The following TBC1D22A variants were observed in gnomAD, a reference collection of about 807,000 sequenced individuals.
The protein encoded by TBC1D22A is putative GTPase activator.
Under a neutral mutation model 60.2 loss-of-function variants are expected in TBC1D22A, and 38 were observed. The observed-to-expected ratio is 0.63, with a 90% CI of 0.49 to 0.83. TBC1D22A has a LOEUF of 0.83. TBC1D22A is among the 40% of genes least tolerant of loss of function. The probability of loss-of-function intolerance (pLI) is 0.00; values close to 1 mark genes in which losing one functional copy is unlikely to be tolerated. For missense variants in TBC1D22A, 628 were observed against 701.0 expected (o/e 0.90, Z 1.18); for synonymous variants, 302 against 281.7 (o/e 1.07, Z -0.72).
intron 8 of TBC1D22A, among the ~76,000 whole-genome samples, chr22:46,967,124 G>A (rs557854158): frequency 6.6e-5 from 10 of 152,316 alleles, no homozygotes; most frequent in Admixed American, 3.3e-4. Context: ...GAGCAGAGTC[G>A]GGAACTGTGA....
intron 7 of TBC1D22A, among the ~76,000 whole-genome samples, chr22:46,902,980 GGAGGGGCAGCGT>G (rs2069115747): frequency 6.6e-6 from 1 of 151,724 alleles, no homozygotes; most frequent in Non-Finnish European, 1.5e-5. Flanking sequence ...GACAGCCCGA[GGAGGGGCAGCGT>G]ATGGGGCAGT....
intron 4 of TBC1D22A, among the ~76,000 whole-genome samples, chr22:46,842,806 T>G (rs1015550792): frequency 6.6e-6 from 1 of 152,220 alleles, no homozygotes; most frequent in African/African-American, 2.4e-5. Flanking sequence ...TTTGGCGCCC[T>G]GACAGGTAGG....
intron 8 of TBC1D22A, among the ~76,000 whole-genome samples, chr22:46,946,967 T>C (rs1360893734): frequency 1.3e-5 from 2 of 152,184 alleles, no homozygotes; most frequent in Admixed American, 6.5e-5. Flanking sequence ...AGTCCAGTTG[T>C]ATAATTTCAG....
chr22:46,764,421 G>A (rs150541942), intron 1 of TBC1D22A: 16 of 152,286 alleles, frequency 1.1e-4, no homozygotes, highest in African/African-American at 3.9e-4. Flanking sequence ...TAGGTCTTAA[G>A]GTTTTGGTTC....
At chr22:46,780,132 G>A (rs914046736) in intron 1 of TBC1D22A, among the ~76,000 whole-genome samples, 2 of 152,320 alleles carry the variant, frequency 1.3e-5, no homozygotes, top group Admixed American at 1.3e-4. Flanking sequence ...GAGCTGAGTG[G>A]TAAATTCAGT....
chr22:47,169,226 T>G (rs2068332938), intron 12 of TBC1D22A, among the ~76,000 whole-genome samples: 1 of 152,170 alleles, frequency 6.6e-6, no homozygotes, highest in Admixed American at 6.5e-5. Context: ...CTGGGTGGTG[T>G]GGGTAGGGCC....
chr22:47,131,501 T>C lies in TBC1D22A; in HGVS notation c.1425+19898T>C, dbSNP rs2066677151. Among the ~76,000 whole-genome samples, 4 of 152,186 alleles carry C rather than the reference T, an allele frequency of 2.6e-5. No individual in the cohort carries two copies. The South Asian group carries it at 8.3e-4, about 32-fold the overall frequency. ...TGCGGCTGCTCCAGCCACAGGAGTG[T>C]TCCCCCTGCCCCCTGTGGGCTCCAT... On this transcript the variant is annotated intron_variant, in intron 12 of 12. Transcript: ENST00000337137.
At chr22:47,034,965 A>G (rs554283381) in intron 10 of TBC1D22A, among the ~76,000 whole-genome samples, 13 of 152,254 alleles carry the variant, frequency 8.5e-5, no homozygotes, top group African/African-American at 3.1e-4. Context: ...CTGAGGCACC[A>G]GCGTTCCCAG....
intron 6 of TBC1D22A, among the ~76,000 whole-genome samples, chr22:46,892,307 A>AG (rs2068448216): frequency 6.6e-6 from 1 of 151,912 alleles, no homozygotes; most frequent in Non-Finnish European, 1.5e-5. Context: ...AAAAAAAAAA[A>AG]AAGTCCAAAT....
At chr22:46,854,390 C>G (rs1252473021) in intron 4 of TBC1D22A, among the ~76,000 whole-genome samples, 1 of 152,186 alleles carries the variant, frequency 6.6e-6, no homozygotes, top group Non-Finnish European at 1.5e-5. Context: ...CCTTCCCGTT[C>G]CCTGCTCCTC....
intron 4 of TBC1D22A, among the ~76,000 whole-genome samples, chr22:46,810,769 A>T (rs552773339): frequency 1.1e-4 from 16 of 152,286 alleles, no homozygotes; most frequent in Admixed American, 2.6e-4. Context: ...GCGAGTTCTT[A>T]TTCTTAGAAT....
At chr22:47,112,667 C>T (rs2065894969) in intron 12 of TBC1D22A, among the ~76,000 whole-genome samples, 1 of 152,222 alleles carries the variant, frequency 6.6e-6, no homozygotes, top group Non-Finnish European at 1.5e-5. Flanking sequence ...TGGAACCCAG[C>T]CCGGGTGTTC....
At chr22:46,954,869 T>A (rs906898772) in intron 8 of TBC1D22A, among the ~76,000 whole-genome samples, 9 of 152,312 alleles carry the variant, frequency 5.9e-5, no homozygotes, top group African/African-American at 1.9e-4. Context: ...ATAAATGGAT[T>A]GTATTGGAAT....
At chr22:46,775,891 C>T (rs1448625864) in intron 1 of TBC1D22A, among the ~76,000 whole-genome samples, 6 of 152,246 alleles carry the variant, frequency 3.9e-5, no homozygotes, top group African/African-American at 9.6e-5. Context: ...TAATCATTCA[C>T]ACACGTGCAC....
chr22:47,159,316 T>TAC (rs773888869), intron 12 of TBC1D22A, among the ~76,000 whole-genome samples: 1 of 84,216 alleles, frequency 1.2e-5, no homozygotes, highest in African/African-American at 5.7e-5. Flanking sequence ...CATGTATACA[T>TAC]ACACACACAT....
intron 4 of TBC1D22A, among the ~76,000 whole-genome samples, chr22:46,810,196 A>G (rs1270851589): frequency 6.6e-6 from 1 of 152,246 alleles, no homozygotes; most frequent in African/African-American, 2.4e-5. Flanking sequence ...TCTATTTACC[A>G]GCGTTTCTAA....
intron 12 of TBC1D22A, among the ~76,000 whole-genome samples, chr22:47,118,614 G>A (rs953204016): frequency 3.3e-5 from 5 of 152,120 alleles, no homozygotes; most frequent in South Asian, 4.1e-4. Context: ...GACAATAAAA[G>A]AATGAATGAG....
intron 8 of TBC1D22A, among the ~76,000 whole-genome samples, chr22:46,932,501 T>G (rs975708517): frequency 2.0e-5 from 3 of 152,158 alleles, no homozygotes; most frequent in African/African-American, 7.2e-5. Flanking sequence ...TTCCTCAGGT[T>G]TAGGAATAAA....
At chr22:46,796,024 C>T (rs1421027048) in intron 3 of TBC1D22A, among the ~76,000 whole-genome samples, 4 of 152,294 alleles carry the variant, frequency 2.6e-5, no homozygotes, top group African/African-American at 9.6e-5. Flanking sequence ...AGGCCGGCAG[C>T]GGAAACTCTG....
Sources: gnomAD v4.1 joint callset for allele counts (sites outside exome capture counted in the v4.1 genomes callset) on GRCh38, gnomAD v4.1.1 for gene constraint, MANE v1.5 for transcripts, NCBI Gene and HGNC (gene_info 2026-07-23, HGNC 2026-07-21) for gene names.